The following KANK1 variants were observed in gnomAD, a reference collection of about 807,000 sequenced individuals.
KANK1 encodes KN motif and ankyrin repeat domain-containing protein 1.
Under a neutral mutation model 106.2 loss-of-function variants are expected in KANK1, and 109 were observed. The observed-to-expected ratio is 1.03, with a 90% CI of 0.88 to 1.20. The LOEUF (loss-of-function observed/expected upper bound fraction) is 1.20, where lower values mean the gene tolerates loss of function less well. Ranked by LOEUF, KANK1 falls within the 50% of genes most tolerant of loss-of-function variation. KANK1 has a pLI of 0.00. For synonymous variants in KANK1, 873 were observed against 652.2 expected (o/e 1.34, Z -5.16); for missense variants, 2,399 against 1,710.7 (o/e 1.40, Z -7.10).
chr9:560,677 A>C (rs575504801), intron 1 of KANK1, among the ~76,000 whole-genome samples: 1 of 152,258 alleles, frequency 6.6e-6, no homozygotes, highest in African/African-American at 2.4e-5. Flanking sequence ...ATGATATTCT[A>C]GTTTGAGAAG....
intron 2 of KANK1, chr9:471,448 G>A (rs1431585081): frequency 6.6e-6 from 1 of 152,184 alleles, no homozygotes; most frequent in East Asian, 1.9e-4. Flanking sequence ...GCCCCAAGGA[G>A]ATGGTGATGA....
At chr9:562,980 A>G (rs1159106683) in intron 1 of KANK1, among the ~76,000 whole-genome samples, 2 of 152,162 alleles carry the variant, frequency 1.3e-5, no homozygotes, top group Non-Finnish European at 2.9e-5. Flanking sequence ...ACTGCTATTC[A>G]TTCTTACAAG....
At chr9:555,205 G>T (rs2061508145) in intron 1 of KANK1, among the ~76,000 whole-genome samples, 2 of 152,312 alleles carry the variant, frequency 1.3e-5, no homozygotes, top group African/African-American at 4.8e-5. Flanking sequence ...CCATTTCCTA[G>T]TCTTATACCA....
At chr9:595,387 A>G (rs1354002956) in intron 1 of KANK1, among the ~76,000 whole-genome samples, 2 of 151,946 alleles carry the variant, frequency 1.3e-5, no homozygotes, top group Non-Finnish European at 2.9e-5. Context: ...GGGGAGACCT[A>G]ATGCCATTGC....
intron 3 of KANK1, chr9:495,489 G>A (rs1043573991): frequency 6.6e-6 from 1 of 151,864 alleles, no homozygotes; most frequent in Non-Finnish European, 1.5e-5. Context: ...CCACCTTCCT[G>A]ACAAAGTGTT....
chr9:674,829 G>A (rs962575106), intron 1 of KANK1, among the ~76,000 whole-genome samples: 2 of 151,936 alleles, frequency 1.3e-5, no homozygotes, highest in Admixed American at 6.6e-5. Flanking sequence ...TCAGCCTCCC[G>A]AGTAGCTGGG....
At chr9:560,007 T>G (rs1815969022) in intron 1 of KANK1, among the ~76,000 whole-genome samples, 1 of 152,326 alleles carries the variant, frequency 6.6e-6, no homozygotes, top group Non-Finnish European at 1.5e-5. Context: ...TCCATCTGAC[T>G]CCATGTTTTC....
At chr9:501,855 G>C (rs1465120148), upstream of KANK1, among the ~76,000 whole-genome samples, 2 of 152,156 alleles carry the variant, frequency 1.3e-5, no homozygotes, top group Non-Finnish European at 2.9e-5. Context: ...CCTCGCGAGA[G>C]TCTTTATATA....
rs758562639 is a variant in KANK1, at chr9:732,437, A to T, written c.3065A>T (p.Asp1022Val). Residue 1022 changes from aspartate (D) to valine (V), a missense_variant, in exon 6 of 12, where the codon GAT (aspartate) becomes GTT (valine). Asp to Val is a radical substitution (Grantham distance 152). Coordinates refer to ENST00000382297, the MANE Select transcript of KANK1 (RefSeq NM_015158.5). ...GATGAAAGCTCTTCTTCCGAGTCAG[A>T]TGACGAGTGTGATGTCATTGAGTAT... is the stretch of plus-strand genomic sequence containing the variant. ...SSDESSSSES[D>V]DECDVIEYPL... 13 of 1,614,078 alleles carry T rather than the reference A, an allele frequency of 8.1e-6. No homozygotes were observed. The highest frequency in any genetic ancestry group is 1.1e-5 in the Non-Finnish European group (13 of 1,180,030).
intron 7 of KANK1, among the ~76,000 whole-genome samples, chr9:735,242 C>G (rs1402605159): frequency 2.6e-5 from 4 of 152,054 alleles, no homozygotes; most frequent in Non-Finnish European, 5.9e-5. Context: ...CCTATCTGAG[C>G]CAAGGTCAGC....
intron 1 of KANK1, among the ~76,000 whole-genome samples, chr9:508,848 C>G (rs537252284): frequency 6.6e-6 from 1 of 152,170 alleles, no homozygotes; most frequent in Non-Finnish European, 1.5e-5. Flanking sequence ...TGACTATGAA[C>G]ATTCTAATTC....
chr9:709,429 G>A (rs759525755), intron 2 of KANK1, among the ~76,000 whole-genome samples: 1 of 152,154 alleles, frequency 6.6e-6, no homozygotes, highest in Non-Finnish European at 1.5e-5. Flanking sequence ...GACAGCAGCA[G>A]GGACATCTCA....
intron 9 of KANK1, among the ~76,000 whole-genome samples, chr9:741,145 T>C (rs1273993429): frequency 6.6e-6 from 1 of 152,208 alleles, no homozygotes; most frequent in Non-Finnish European, 1.5e-5. Flanking sequence ...TGGAAACTTC[T>C]CCCTCCTTTG....
intron 3 of KANK1, among the ~76,000 whole-genome samples, chr9:493,576 G>T (rs1346554722): frequency 7.5e-6 from 1 of 132,874 alleles, no homozygotes; most frequent in Non-Finnish European, 1.5e-5. Flanking sequence ...TTTTTTTGGA[G>T]ATGGAGTCTA....
chr9:653,091 T>G (rs916416326), intron 1 of KANK1, among the ~76,000 whole-genome samples: 1 of 152,170 alleles, frequency 6.6e-6, no homozygotes, highest in Non-Finnish European at 1.5e-5. Context: ...TTAACTTTAT[T>G]TAGCAACGTC....
intron 2 of KANK1, among the ~76,000 whole-genome samples, chr9:698,116 C>T (rs185204571): frequency 6.6e-6 from 1 of 152,282 alleles, no homozygotes; most frequent in East Asian, 1.9e-4. Flanking sequence ...TTGGCCAATT[C>T]AGGCCCTGGT....
At chr9:678,180 T>C (rs1455139349) in intron 2 of KANK1, among the ~76,000 whole-genome samples, 1 of 152,242 alleles carries the variant, frequency 6.6e-6, no homozygotes, top group African/African-American at 2.4e-5. Flanking sequence ...CATTCCATTT[T>C]TGACCTTTTT....
chr9:711,894 C>G lies in KANK1; in HGVS notation c.1128C>G (p.Ala376=). The stretch of plus-strand genomic sequence containing the variant: ...GGCAACTTACAGCAGACATGCAAGC[C>G]CTGGAGCAGAAGATCCAGGACAGCA... ...EFRQLTADMQ[A]LEQKIQDSSC... is the part of the protein sequence containing the mutation. The change falls in exon 3 of 12, where the codon GCC becomes GCG. Residue 376 remains alanine (A), a synonymous_variant. Transcript: ENST00000382297. 1 of 1,614,118 alleles carries G rather than the reference C, an allele frequency of 6.2e-7. No individual in the cohort carries two copies. The highest frequency in any genetic ancestry group is 1.3e-5 in the African/African-American group (1 of 75,004).
chr9:610,244 C>G (rs1160786077), intron 1 of KANK1, among the ~76,000 whole-genome samples: 1 of 152,058 alleles, frequency 6.6e-6, no homozygotes, highest in Non-Finnish European at 1.5e-5. Context: ...AAACTCTTTA[C>G]AAAAGTAACA....
Sources: allele counts gnomAD v4.1 joint callset (sites outside exome capture counted in the v4.1 genomes callset), GRCh38; gene constraint gnomAD v4.1.1; transcripts MANE v1.5; gene names NCBI Gene and HGNC (gene_info 2026-07-23, HGNC 2026-07-21).